The following LRP1B variants were observed in gnomAD, a reference collection of about 807,000 sequenced individuals.
The protein encoded by LRP1B is LDL receptor related protein 1B.
LRP1B carries 217 observed loss-of-function variants against 556.6 expected under a neutral mutation model. That is an observed-to-expected ratio of 0.39 (90% CI 0.35 to 0.44). The LOEUF is 0.44. LRP1B is among the 20% of genes least tolerant of loss of function. LRP1B has a pLI of 1.00. For missense variants in LRP1B, 5,053 were observed against 5,620.8 expected (o/e 0.90, Z 3.23); for synonymous variants, 2,047 against 1,865.8 (o/e 1.10, Z -2.50).
chr2:141,897,741 G>T (rs1344935399), intron 1 of LRP1B, among the ~76,000 whole-genome samples: 1 of 152,068 alleles, frequency 6.6e-6, no homozygotes, highest in Admixed American at 6.6e-5. Flanking sequence ...AAAATACTCA[G>T]TTTTTTTAGC....
At chr2:141,746,825 T>G (rs1693931691) in intron 2 of LRP1B, among the ~76,000 whole-genome samples, 1 of 152,164 alleles carries the variant, frequency 6.6e-6, no homozygotes, top group African/African-American at 2.4e-5. Context: ...CTTATGGTAT[T>G]AGGTGATATT....
At chr2:141,303,197 G>T (rs1282996050) in intron 3 of LRP1B, among the ~76,000 whole-genome samples, 1 of 152,016 alleles carries the variant, frequency 6.6e-6, no homozygotes, top group Admixed American at 6.6e-5. Flanking sequence ...GTGATATTTT[G>T]TTACATGCAT....
At chr2:140,846,240 T>G (rs1300887294) in intron 29 of LRP1B, among the ~76,000 whole-genome samples, 1 of 152,146 alleles carries the variant, frequency 6.6e-6, no homozygotes, top group East Asian at 1.9e-4. Context: ...AGAAAATTAT[T>G]TTGAAACTAT....
chr2:141,791,557 C>T (rs1469660928), intron 2 of LRP1B, among the ~76,000 whole-genome samples: 2 of 151,944 alleles, frequency 1.3e-5, no homozygotes, highest in Admixed American at 1.3e-4. Context: ...TTTAGTAGTG[C>T]CTAATATTTG....
intron 52 of LRP1B, among the ~76,000 whole-genome samples, chr2:140,509,042 T>A (rs1689536570): frequency 6.7e-6 from 1 of 148,894 alleles, no homozygotes; most frequent in African/African-American, 2.5e-5. Flanking sequence ...ACTTTAACTA[T>A]TCCTCACGTA....
chr2:141,898,752 T>C (rs1057451843), intron 1 of LRP1B, among the ~76,000 whole-genome samples: 1 of 152,122 alleles, frequency 6.6e-6, no homozygotes, highest in Non-Finnish European at 1.5e-5. Flanking sequence ...AAGTGTTACA[T>C]CCTTATTATC....
At chr2:141,130,009 G>A (rs543582339) in intron 7 of LRP1B, among the ~76,000 whole-genome samples, 24 of 151,798 alleles carry the variant, frequency 1.6e-4, no homozygotes, top group Admixed American at 5.3e-4. Context: ...AAAGCAAATG[G>A]ATACAGAATT....
At chr2:142,046,335 C>A (rs991630922) in intron 1 of LRP1B, among the ~76,000 whole-genome samples, 1 of 151,894 alleles carries the variant, frequency 6.6e-6, no homozygotes. Context: ...GCATTTGGAG[C>A]ATGACAGTTG....
intron 2 of LRP1B, among the ~76,000 whole-genome samples, chr2:141,578,216 A>C (rs1686826603): frequency 6.6e-6 from 1 of 152,026 alleles, no homozygotes; most frequent in Admixed American, 6.5e-5. Context: ...CAACATGGTG[A>C]AATCCTGCCT....
At chr2:141,177,260 T>C (rs573024343) in intron 7 of LRP1B, among the ~76,000 whole-genome samples, 2 of 152,108 alleles carry the variant, frequency 1.3e-5, no homozygotes. Flanking sequence ...AATATGTGCA[T>C]TGGGCTCTAA....
chr2:141,187,388 T>C (rs1287487303), intron 7 of LRP1B, among the ~76,000 whole-genome samples: 1 of 152,086 alleles, frequency 6.6e-6, no homozygotes, highest in Non-Finnish European at 1.5e-5. Context: ...CTTCAGTAAA[T>C]ATTTTCCCAT....
intron 3 of LRP1B, among the ~76,000 whole-genome samples, chr2:141,447,605 T>C (rs1293503345): frequency 6.6e-6 from 1 of 152,178 alleles, no homozygotes. Context: ...TGAGTGGATG[T>C]CCTTTTTGTT....
At chr2:141,209,481 ATCT>A (rs1231597718) in intron 6 of LRP1B, among the ~76,000 whole-genome samples, 2 of 152,224 alleles carry the variant, frequency 1.3e-5, no homozygotes, top group Admixed American at 6.5e-5. Context: ...AGTCTCAGGT[ATCT>A]TCTTATCAGC....
chr2:141,764,391 T>TC (rs1420392607), intron 2 of LRP1B, among the ~76,000 whole-genome samples: 2 of 151,994 alleles, frequency 1.3e-5, no homozygotes, highest in African/African-American at 4.8e-5. Context: ...ACCATGTTAG[T>TC]CAGGATGGTC....
At chr2:140,578,007 A>G (rs1681601271) in intron 43 of LRP1B, among the ~76,000 whole-genome samples, 1 of 152,196 alleles carries the variant, frequency 6.6e-6, no homozygotes, top group African/African-American at 2.4e-5. Context: ...TTCCATCAAT[A>G]TAAAAGAATG....
chr2:141,332,620 C>T (rs952495881), intron 3 of LRP1B, among the ~76,000 whole-genome samples: 2 of 151,046 alleles, frequency 1.3e-5, no homozygotes, highest in Non-Finnish European at 1.5e-5. Flanking sequence ...TCACAGCATT[C>T]TTTTTTTTCT....
At chr2:141,212,536 G>A (rs983955846) in intron 6 of LRP1B, among the ~76,000 whole-genome samples, 37 of 150,724 alleles carry the variant, frequency 2.5e-4, no homozygotes, top group East Asian at 2.0e-4. Flanking sequence ...TGCCCACCTC[G>A]GCCTCCCAGA....
Position 141,587,966 on chromosome 2 carries a change from G to A in LRP1B, c.206-107433C>T, listed in dbSNP as rs547128710. 2.7e-4 allele frequency among the ~76,000 whole-genome samples: 41 copies of A among 152,282 alleles called. 1 individual carries two copies. In the South Asian group the frequency reaches 4.4e-3, roughly 16 times the overall value. ...CTCTACACTTAGTTGTTTATCAGATGTAGAAAATCCAGATCGGTCTTCTAA... is the reference window on the plus strand; with the variant it reads ...CTCTACACTTAGTTGTTTATCAGATATAGAAAATCCAGATCGGTCTTCTAA... On this transcript the variant is annotated intron_variant, in intron 2 of 90. Transcript: ENST00000389484.
chr2:141,113,499 A>G (rs970294170), intron 7 of LRP1B, among the ~76,000 whole-genome samples: 4 of 152,134 alleles, frequency 2.6e-5, no homozygotes, highest in Non-Finnish European at 5.9e-5. Context: ...TCTTTTCTTA[A>G]AGTTTGTACA....
Sources: gnomAD v4.1 joint callset for allele counts (sites outside exome capture counted in the v4.1 genomes callset) on GRCh38, gnomAD v4.1.1 for gene constraint, MANE v1.5 for transcripts, NCBI Gene and HGNC (gene_info 2026-07-23, HGNC 2026-07-21) for gene names.